ATXN7L1: variants seen among roughly 807,000 people sequenced by gnomAD.
ATXN7L1 encodes ataxin-7-like protein 1.
A neutral mutation model predicts 70.8 loss-of-function variants in ATXN7L1; 15 were observed. That is an observed-to-expected ratio of 0.21 (90% CI 0.14 to 0.33). The LOEUF is 0.33. Among genes scored for constraint, ATXN7L1 ranks in the 10% least tolerant of loss-of-function variants. The pLI is 1.00. For missense variants in ATXN7L1, 975 were observed against 1,097.1 expected (o/e 0.89, Z 1.57); for synonymous variants, 440 against 445.1 (o/e 0.99, Z 0.14).
chr7:105,783,220 C>G (rs1803790159), intron 3 of ATXN7L1, among the ~76,000 whole-genome samples: 1 of 152,216 alleles, frequency 6.6e-6, no homozygotes, highest in Admixed American at 6.5e-5. Flanking sequence ...CTATGACATT[C>G]TATTTTTCAC....
At chr7:105,655,172 A>G (rs1053950079) in intron 4 of ATXN7L1, among the ~76,000 whole-genome samples, 2 of 152,122 alleles carry the variant, frequency 1.3e-5, no homozygotes, top group African/African-American at 2.4e-5. Context: ...GGAGCTGTCC[A>G]TTGTCCTTAC....
chr7:105,749,912 C>T (rs922123564), intron 3 of ATXN7L1, among the ~76,000 whole-genome samples: 3 of 151,912 alleles, frequency 2.0e-5, no homozygotes, highest in African/African-American at 7.2e-5. Context: ...TGGCTGTATT[C>T]TGGGCACTTA....
chr7:105,654,334 G>A (rs1268822389), intron 4 of ATXN7L1, among the ~76,000 whole-genome samples: 1 of 152,374 alleles, frequency 6.6e-6, no homozygotes, highest in East Asian at 1.9e-4. Flanking sequence ...CACCTACCAT[G>A]CATGAGCAGT....
intron 3 of ATXN7L1, 104 bp from the exon 4 acceptor site, chr7:105,665,392 TCCCTACAGCAC>T: frequency 1.1e-6 from 1 of 906,502 alleles, no homozygotes. Context: ...AGAAGCGCTT[TCCCTACAGCAC>T]TGGCATTCCT....
intron 7 of ATXN7L1, among the ~76,000 whole-genome samples, chr7:105,629,522 AT>A (rs917471100): frequency 4.8e-5 from 7 of 145,698 alleles, no homozygotes; most frequent in African/African-American, 7.5e-5. Context: ...TTACTTATTT[AT>A]TTTTTTTTTG....
intron 8 of ATXN7L1, 33 bp from the exon 9 acceptor site, chr7:105,620,354 C>T (rs1794738534): frequency 2.0e-6 from 3 of 1,524,518 alleles, no homozygotes; most frequent in Non-Finnish European, 2.7e-6. Flanking sequence ...ATTTTGATTA[C>T]AGGTTAATAA....
chr7:105,621,763 C>G (rs1034949302), intron 8 of ATXN7L1, among the ~76,000 whole-genome samples: 4 of 152,214 alleles, frequency 2.6e-5, no homozygotes, highest in Non-Finnish European at 5.9e-5. Flanking sequence ...CAGCAGCTCC[C>G]TGGCCTCTCT....
In ATXN7L1 at chr7:105,733,605, CCCAT is replaced by C. The variant is rs1563048921; in HGVS notation, c.355+54995_355+54998del. On this transcript the variant is annotated intron_variant, in intron 3 of 11. Transcript: ENST00000419735. ...ACCCATCCATCCATCCATCCATCCA[CCCAT>C]CCATCCATCCATCCATCCATCCACC... 1.7e-3 allele frequency among the ~76,000 whole-genome samples: 22 copies of C among 13,010 alleles called. 4 individuals carry two copies. Among genetic ancestry groups the C allele is most frequent in the South Asian group, 3.4e-3 (1 of 298 alleles). The allele number at this position is 13,010 out of a possible 152,430, so 8.5% of individuals were successfully genotyped here.
chr7:105,637,901 C>T (rs1562933802), intron 7 of ATXN7L1, among the ~76,000 whole-genome samples: 1 of 152,098 alleles, frequency 6.6e-6, no homozygotes, highest in Non-Finnish European at 1.5e-5. Flanking sequence ...GTGCAGTGAG[C>T]GTCTAAGAGG....
intron 3 of ATXN7L1, among the ~76,000 whole-genome samples, chr7:105,759,222 G>A (rs961517698): frequency 4.1e-5 from 6 of 146,594 alleles, no homozygotes; most frequent in African/African-American, 1.5e-4. Flanking sequence ...GTAATGGGTT[G>A]ATGAATGTTG....
chr7:105,639,462 G>GT (rs1797866391), intron 6 of ATXN7L1, 25 bp downstream of exon 6: 1 of 1,532,110 alleles, frequency 6.5e-7, no homozygotes, highest in Admixed American at 2.0e-5. Flanking sequence ...AGAGCAGGAA[G>GT]TATTTTTTAT....
At chr7:105,651,777 A>T (rs555082839) in intron 4 of ATXN7L1, among the ~76,000 whole-genome samples, 1 of 152,314 alleles carries the variant, frequency 6.6e-6, no homozygotes, top group East Asian at 1.9e-4. Context: ...AGGAGTAAGG[A>T]GGAACTCCAG....
At chr7:105,635,562 C>T (rs748029184) in intron 7 of ATXN7L1, among the ~76,000 whole-genome samples, 2 of 152,190 alleles carry the variant, frequency 1.3e-5, no homozygotes, top group Non-Finnish European at 2.9e-5. Flanking sequence ...GGCTAAGAAC[C>T]ATGACCAAGC....
intron 3 of ATXN7L1, among the ~76,000 whole-genome samples, chr7:105,733,528 A>G (rs1329759186): frequency 6.4e-5 from 7 of 109,786 alleles, no homozygotes; most frequent in African/African-American, 1.1e-4. Context: ...CCATCCATCC[A>G]TCCATCCATC....
At position 105,671,889 on chromosome 7, in the gene ATXN7L1, CAAAAAAAAAA is replaced by C. The variant is rs55748938; in HGVS notation, c.356-6611_356-6602del. Among the ~76,000 whole-genome samples the C allele has an allele frequency of 1.4e-4, 8 of 56,420 alleles. No individual in the cohort carries two copies. In the Admixed American group the frequency reaches 1.8e-3, roughly 13 times the overall value. 37.0% of individuals were successfully genotyped at this position (56,420 alleles called of 152,430 possible). A position where few individuals can be genotyped will look rare whatever the true frequency, so the allele number is the denominator to read the frequency against. The stretch of plus-strand genomic sequence containing the variant: ...TGAATGACAGAGTGAGACCCTGTCT[CAAAAAAAAAA>C]AAAAAAAAAAAAAAAAGAATTTTTT... On this transcript the variant is annotated intron_variant, in intron 3 of 11. Coordinates refer to ENST00000419735, the MANE Select transcript of ATXN7L1 (RefSeq NM_020725.2).
chr7:105,789,016 C>A (rs1292206500), intron 2 of ATXN7L1, among the ~76,000 whole-genome samples: 1 of 152,182 alleles, frequency 6.6e-6, no homozygotes, highest in Non-Finnish European at 1.5e-5. Flanking sequence ...CTGAGAGAAC[C>A]CACATGTTAG....
At chr7:105,736,845 C>T (rs1250811866) in intron 3 of ATXN7L1, among the ~76,000 whole-genome samples, 2 of 152,230 alleles carry the variant, frequency 1.3e-5, no homozygotes, top group Non-Finnish European at 2.9e-5. Flanking sequence ...GTCTTACTTT[C>T]TTCTCCATCT....
intron 3 of ATXN7L1, among the ~76,000 whole-genome samples, chr7:105,712,663 C>A (rs1794074697): frequency 6.6e-6 from 1 of 152,194 alleles, no homozygotes; most frequent in Non-Finnish European, 1.5e-5. Flanking sequence ...ACCTTTGCTC[C>A]ACTTTCCAAG....
At chr7:105,793,775 C>G (rs1224336602) in intron 2 of ATXN7L1, among the ~76,000 whole-genome samples, 10 of 152,200 alleles carry the variant, frequency 6.6e-5, no homozygotes, top group South Asian at 2.1e-4. Flanking sequence ...CTAGCACCAC[C>G]ACAGCATTAT....
Sources: allele counts gnomAD v4.1 joint callset (sites outside exome capture counted in the v4.1 genomes callset), GRCh38; gene constraint gnomAD v4.1.1; transcripts MANE v1.5; gene names NCBI Gene and HGNC (gene_info 2026-07-23, HGNC 2026-07-21).